Variants in CTNNA2 observed in about 807,000 individuals in gnomAD.
CTNNA2 encodes catenin alpha 2.
A neutral mutation model predicts 101.0 loss-of-function variants in CTNNA2; 42 were observed. That is an observed-to-expected ratio of 0.42 (90% confidence interval 0.32 to 0.54). The LOEUF (loss-of-function observed/expected upper bound fraction) is 0.54, where lower values mean the gene tolerates loss of function less well. Among genes scored for constraint, CTNNA2 ranks in the 20% least tolerant of loss-of-function variants. The pLI is 0.14. For missense variants in CTNNA2, 871 were observed against 1,223.1 expected, an observed-to-expected ratio of 0.71 and a Z score of 4.29; for synonymous variants, 450 against 456.4, an observed-to-expected ratio of 0.99 and a Z score of 0.18.
chr2:80,524,730 A>T (rs1169377915), intron 9 of CTNNA2, among the ~76,000 whole-genome samples: 2 of 151,888 alleles, frequency 1.3e-5, no homozygotes, highest in East Asian at 3.9e-4. Context: ...AAGCCTAGGG[A>T]CCTGTGTATC....
chr2:79,841,069 G>T lies in CTNNA2; in HGVS notation c.299-16944G>T, dbSNP rs967982459. ...CAGGCGTGAGCCACCGCGCCCTGCC[G>T]AGACTCCCTCTCTTATGTATGTATC... On this transcript the variant is annotated intron_variant, in intron 3 of 18. Transcript: ENST00000402739. Among the ~76,000 whole-genome samples the T allele has an allele frequency of 2.6e-5, 4 of 152,182 alleles. No homozygotes were observed. In the East Asian group the frequency reaches 7.8e-4, roughly 29 times the overall value.
At chr2:79,884,192 C>G (rs1024543201) in intron 6 of CTNNA2, among the ~76,000 whole-genome samples, 6 of 152,160 alleles carry the variant, frequency 3.9e-5, no homozygotes, top group Non-Finnish European at 8.8e-5. Context: ...CCAACTTGCC[C>G]TGGGAATTTG....
chr2:79,787,656 G>C (rs1454506228), intron 3 of CTNNA2, among the ~76,000 whole-genome samples: 1 of 151,950 alleles, frequency 6.6e-6, no homozygotes, highest in Non-Finnish European at 1.5e-5. Context: ...GAGGTGTCAG[G>C]GAGAATTTAT....
chr2:79,943,208 C>CG (rs952082139), intron 7 of CTNNA2, among the ~76,000 whole-genome samples: 5 of 151,660 alleles, frequency 3.3e-5, no homozygotes, highest in Non-Finnish European at 7.4e-5. Flanking sequence ...CAAAAGCGAG[C>CG]GGGGGTGGGG....
At chr2:80,172,196 G>GT (rs1558872725) in intron 7 of CTNNA2, among the ~76,000 whole-genome samples, 2 of 152,074 alleles carry the variant, frequency 1.3e-5, no homozygotes, top group South Asian at 4.1e-4. Flanking sequence ...CGTCACATGT[G>GT]TTTTTTCAGC....
intron 2 of CTNNA2, among the ~76,000 whole-genome samples, chr2:79,682,277 G>T (rs960931361): frequency 6.6e-6 from 1 of 151,794 alleles, no homozygotes; most frequent in South Asian, 2.1e-4. Context: ...CAGGTGTGGT[G>T]GCGGGCGCCT....
intron 7 of CTNNA2, among the ~76,000 whole-genome samples, chr2:80,224,124 G>A (rs1014555880): frequency 1.3e-5 from 2 of 152,038 alleles, no homozygotes; most frequent in Non-Finnish European, 2.9e-5. Flanking sequence ...CTGTTCTCAT[G>A]TCCCTAGAGC....
intron 6 of CTNNA2, among the ~76,000 whole-genome samples, chr2:79,899,739 A>G (rs796562805): frequency 6.6e-6 from 1 of 152,384 alleles, no homozygotes; most frequent in African/African-American, 2.4e-5. Flanking sequence ...CCTGCGAAGC[A>G]AAAGTTATTT....
intron 4 of CTNNA2, among the ~76,000 whole-genome samples, chr2:79,398,681 G>T (rs1540544): frequency 0.42 from 64,119 of 151,292 alleles, 14,157 homozygotes; most frequent in Non-Finnish European, 0.48. Flanking sequence ...TAAGAATCAG[G>T]TTCAACTATT....
At position 79,517,396 on chromosome 2, in the gene CTNNA2, T is replaced by A. The variant is rs533420294; in HGVS notation, c.-6+4189T>A. On this transcript the variant is annotated intron_variant, in intron 1 of 18. Coordinates refer to ENST00000402739, the MANE Select transcript of CTNNA2 (RefSeq NM_001282597.3). ...GTAAAATGTTTCTCATATATTTCTGTTTTGTAGTTCAAATAATATACAAAA... is the reference window on the plus strand; with the variant it reads ...GTAAAATGTTTCTCATATATTTCTGATTTGTAGTTCAAATAATATACAAAA... 2.0e-5 allele frequency among the ~76,000 whole-genome samples: 3 copies of A among 152,326 alleles called. No homozygotes were observed. In the South Asian group the frequency reaches 6.2e-4, roughly 32 times the overall value.
chr2:79,942,290 G>C (rs899178262), intron 7 of CTNNA2, among the ~76,000 whole-genome samples: 3 of 152,120 alleles, frequency 2.0e-5, no homozygotes, highest in Non-Finnish European at 2.9e-5. Context: ...GGAAGGCAGT[G>C]GTTTGCTCAA....
chr2:79,491,270 G>T (rs1283795698), intron 4 of CTNNA2, among the ~76,000 whole-genome samples: 2 of 152,026 alleles, frequency 1.3e-5, no homozygotes, highest in Non-Finnish European at 2.9e-5. Flanking sequence ...AAAAAAGGGG[G>T]CTCAATGTGG....
intron 7 of CTNNA2, among the ~76,000 whole-genome samples, chr2:80,256,892 T>C (rs1672207601): frequency 6.6e-6 from 1 of 152,202 alleles, no homozygotes; most frequent in Admixed American, 6.5e-5. Flanking sequence ...TCATCTCTTC[T>C]GGGCACTTAG....
chr2:79,573,133 C>G (rs762700426), intron 1 of CTNNA2, among the ~76,000 whole-genome samples: 1 of 152,054 alleles, frequency 6.6e-6, no homozygotes, highest in Non-Finnish European at 1.5e-5. Context: ...TTTTTTAAAA[C>G]AAGAAGAATT....
At chr2:79,418,020 G>T in intron 4 of CTNNA2, among the ~76,000 whole-genome samples, 1 of 152,078 alleles carries the variant, frequency 6.6e-6, no homozygotes, top group Non-Finnish European at 1.5e-5. Flanking sequence ...AGCTTGAGGG[G>T]TAGGCGGATA....
chr2:80,627,842 G>A (rs1671842280), intron 18 of CTNNA2, among the ~76,000 whole-genome samples: 1 of 151,850 alleles, frequency 6.6e-6, no homozygotes, highest in Admixed American at 6.6e-5. Context: ...TGATTTTTAA[G>A]TCCTACATTT....
chr2:79,447,759 T>C (rs1413659417), intron 4 of CTNNA2, among the ~76,000 whole-genome samples: 2 of 152,058 alleles, frequency 1.3e-5, no homozygotes, highest in Non-Finnish European at 2.9e-5. Context: ...TAAAAGTGCT[T>C]ACCCAATACT....
At chr2:80,417,626 G>T (rs1680157471) in intron 8 of CTNNA2, among the ~76,000 whole-genome samples, 1 of 151,484 alleles carries the variant, frequency 6.6e-6, no homozygotes, top group African/African-American at 2.4e-5. Flanking sequence ...TGAGTTTCAT[G>T]ACCTAATTCT....
chr2:79,426,395 G>C (rs1185720041), intron 4 of CTNNA2, among the ~76,000 whole-genome samples: 1 of 152,064 alleles, frequency 6.6e-6, no homozygotes, highest in Non-Finnish European at 1.5e-5. Flanking sequence ...TTTGTGTAGG[G>C]CATGCTTTGA....
Sources: allele counts gnomAD v4.1 joint callset (sites outside exome capture counted in the v4.1 genomes callset), GRCh38; gene constraint gnomAD v4.1.1; transcripts MANE v1.5; gene names NCBI Gene and HGNC (gene_info 2026-07-23, HGNC 2026-07-21).